The following ROBO2 variants were observed in gnomAD, a reference collection of about 807,000 sequenced individuals.
ROBO2 encodes the protein roundabout guidance receptor 2, also known as roundabout homolog 2.
Under a neutral mutation model 160.8 loss-of-function variants are expected in ROBO2, and 53 were observed. The ratio of observed to expected loss-of-function variants is 0.33; its 90% confidence interval spans 0.26 to 0.41. The LOEUF (loss-of-function observed/expected upper bound fraction) is 0.41, where lower values mean the gene tolerates loss of function less well. ROBO2 is among the 10% of genes least tolerant of loss of function. The pLI, the probability that ROBO2 is intolerant of heterozygous loss-of-function variation, is 1.00. For missense variants in ROBO2, 1,577 were observed against 1,722.4 expected (o/e 0.92, Z 1.49); for synonymous variants, 664 against 611.7 (o/e 1.09, Z -1.26).
chr3:77,021,169 A>G (rs941426758), intron 2 of ROBO2, among the ~76,000 whole-genome samples: 11 of 152,100 alleles, frequency 7.2e-5, no homozygotes, highest in Non-Finnish European at 1.5e-4. Flanking sequence ...CCATTGCACT[A>G]TAGCCTGGGT....
Position 76,609,304 on chromosome 3 carries a change from GTT to G in ROBO2, c.110-488707_110-488706del, listed in dbSNP as rs1486317980. On this transcript the variant is annotated intron_variant, in intron 2 of 26. Coordinates refer to the ROBO2 transcript ENST00000487694. Reference sequence around the variant, plus strand: ...GAAGTTAGGTAGTGTGATTACTCCAGTTTTGTTTTTTTACTTAGGACAGGTTT... The same window carrying G: ...GAAGTTAGGTAGTGTGATTACTCCAGTTGTTTTTTTACTTAGGACAGGTTT... Among the ~76,000 whole-genome samples the G allele has an allele frequency of 6.6e-5, 10 of 152,194 alleles. No individual in the cohort carries two copies. The South Asian group carries it at 1.0e-3, about 16-fold the overall frequency.
intron 2 of ROBO2, among the ~76,000 whole-genome samples, chr3:76,274,712 C>A (rs1348089937): frequency 2.0e-5 from 3 of 151,816 alleles, no homozygotes; most frequent in Non-Finnish European, 4.4e-5. Context: ...GTGGCACGCA[C>A]CTGTAGTCCC....
At chr3:77,617,757 A>T in exon 22 of ROBO2, 1 of 1,613,228 alleles carries the variant, frequency 6.2e-7, no homozygotes, top group Non-Finnish European at 8.5e-7. Context: ...TCAGTTTGAT[A>T]TAGCAAAACA....
intron 2 of ROBO2, among the ~76,000 whole-genome samples, chr3:77,428,458 G>A (rs960522799): frequency 1.4e-5 from 2 of 144,470 alleles, no homozygotes; most frequent in Non-Finnish European, 3.0e-5. Flanking sequence ...CCGGGTTCAC[G>A]CCATTCTCCT....
intron 2 of ROBO2, among the ~76,000 whole-genome samples, chr3:76,794,632 G>A (rs572726958): frequency 6.3e-4 from 96 of 151,872 alleles, no homozygotes; most frequent in Middle Eastern, 3.4e-3. Context: ...TACAGCAATC[G>A]GATTCATTAA....
intron 2 of ROBO2, among the ~76,000 whole-genome samples, chr3:77,018,171 C>T (rs1226319900): frequency 1.3e-5 from 2 of 152,168 alleles, no homozygotes; most frequent in African/African-American, 4.8e-5. Flanking sequence ...GGCGCAATCT[C>T]AGCTCACCAC....
At chr3:77,344,137 G>A (rs1420449898) in intron 2 of ROBO2, among the ~76,000 whole-genome samples, 1 of 152,104 alleles carries the variant, frequency 6.6e-6, no homozygotes, top group Non-Finnish European at 1.5e-5. Context: ...TCCTTTTATG[G>A]TCAGAGAGGT....
chr3:76,032,707 T>C (rs1274702281), intron 2 of ROBO2, among the ~76,000 whole-genome samples: 4 of 152,116 alleles, frequency 2.6e-5, no homozygotes, highest in Admixed American at 1.3e-4. Flanking sequence ...TTTGATTGCA[T>C]TGTGGTCTTA....
chr3:76,611,475 A>C lies in ROBO2; in HGVS notation c.110-486539A>C, dbSNP rs150119900. Among the ~76,000 whole-genome samples the C allele has an allele frequency of 6.1e-4, 93 of 151,906 alleles. 1 individual carries two copies. The highest frequency in any genetic ancestry group is 5.6e-3 in the South Asian group (27 of 4,820). ...TGTTATTGGTCTGTTCAGGTTTTGG[A>C]TTTCTTTATGGTTCAGTCTAGGTAG... On this transcript the variant is annotated intron_variant, in intron 2 of 26. Coordinates refer to the ROBO2 transcript ENST00000487694.
chr3:76,389,992 A>T (rs2077069700), intron 2 of ROBO2, among the ~76,000 whole-genome samples: 1 of 152,158 alleles, frequency 6.6e-6, no homozygotes, highest in Non-Finnish European at 1.5e-5. Context: ...ACTAGAGCTC[A>T]AATGTCCCGT....
At chr3:77,216,704 G>A (rs773671301) in intron 2 of ROBO2, among the ~76,000 whole-genome samples, 9 of 152,050 alleles carry the variant, frequency 5.9e-5, no homozygotes, top group African/African-American at 9.7e-5. Flanking sequence ...GTTCCTATTC[G>A]GCCATCTTGG....
intron 2 of ROBO2, among the ~76,000 whole-genome samples, chr3:77,301,014 A>G (rs2062609412): frequency 6.6e-6 from 1 of 151,664 alleles, no homozygotes; most frequent in African/African-American, 2.4e-5. Flanking sequence ...GATTACAGGC[A>G]TACACCACTA....
At chr3:76,129,476 G>A (rs1354408809) in intron 2 of ROBO2, among the ~76,000 whole-genome samples, 1 of 152,032 alleles carries the variant, frequency 6.6e-6, no homozygotes, top group Non-Finnish European at 1.5e-5. Context: ...TAGTTAATAA[G>A]GATAATGCCT....
intron 2 of ROBO2, among the ~76,000 whole-genome samples, chr3:77,028,825 G>T (rs1299221863): frequency 6.6e-6 from 1 of 152,136 alleles, no homozygotes; most frequent in Non-Finnish European, 1.5e-5. Context: ...CATATATATA[G>T]CTGAATATTT....
chr3:77,190,535 CTT>C (rs34494903), intron 2 of ROBO2, among the ~76,000 whole-genome samples: 1 of 151,848 alleles, frequency 6.6e-6, no homozygotes, highest in Non-Finnish European at 1.5e-5. Context: ...TATAGTGTAA[CTT>C]TTTTTACGAG....
chr3:77,470,621 T>A (rs2083261458), intron 2 of ROBO2, among the ~76,000 whole-genome samples: 2 of 152,208 alleles, frequency 1.3e-5, no homozygotes, highest in African/African-American at 4.8e-5. Context: ...AGATTAAAAG[T>A]GTCATTATAT....
At chr3:77,499,615 A>G (rs1447815964) in intron 5 of ROBO2, among the ~76,000 whole-genome samples, 1 of 151,650 alleles carries the variant, frequency 6.6e-6, no homozygotes, top group Non-Finnish European at 1.5e-5. Context: ...CCATAGAAAC[A>G]TATACAATAT....
chr3:77,372,153 A>C (rs1404760918), intron 2 of ROBO2, among the ~76,000 whole-genome samples: 1 of 152,056 alleles, frequency 6.6e-6, no homozygotes, highest in East Asian at 1.9e-4. Context: ...AAAGAGAAGG[A>C]AGGAGGGAGA....
chr3:77,588,644 G>A, intron 16 of ROBO2, 107 bp from the exon 18 acceptor site: 1 of 1,041,786 alleles, frequency 9.6e-7, no homozygotes, highest in Non-Finnish European at 1.4e-6. Flanking sequence ...AACTAAACAA[G>A]CATTTCCTGC....
Sources: allele counts gnomAD v4.1 joint callset (sites outside exome capture counted in the v4.1 genomes callset), GRCh38; gene constraint gnomAD v4.1.1; transcripts MANE v1.5; gene names NCBI Gene and HGNC (gene_info 2026-07-23, HGNC 2026-07-21).